The following EXPH5 variants were observed in gnomAD, a reference collection of about 807,000 sequenced individuals.
The protein encoded by EXPH5 is exophilin-5.
Under a neutral mutation model 41.1 loss-of-function variants are expected in EXPH5, and 42 were observed. That is an observed-to-expected ratio of 1.02 (90% CI 0.80 to 1.32). EXPH5 has a LOEUF of 1.32. EXPH5 is among the 40% of genes most tolerant of loss of function. The probability of loss-of-function intolerance (pLI) is 0.00; values close to 1 mark genes in which losing one functional copy is unlikely to be tolerated. For missense variants in EXPH5, 2,298 were observed against 2,314.5 expected, an observed-to-expected ratio of 0.99 and a Z score of 0.15; for synonymous variants, 798 against 833.5, an observed-to-expected ratio of 0.96 and a Z score of 0.73.
intron 4 of EXPH5, among the ~76,000 whole-genome samples, chr11:108,525,505 T>A (rs1173916622): frequency 6.6e-6 from 1 of 152,242 alleles, no homozygotes; most frequent in Non-Finnish European, 1.5e-5. Context: ...TCTAAGTGTT[T>A]CTCTAGCTCT....
At chr11:108,536,438 C>T (rs956498937) in intron 3 of EXPH5, among the ~76,000 whole-genome samples, 11 of 152,074 alleles carry the variant, frequency 7.2e-5, no homozygotes, top group African/African-American at 2.4e-5. Flanking sequence ...GATAATTTAT[C>T]TTTTTGGTAG....
rs761700856 is a variant in EXPH5 at position 108,513,268 on chromosome 11, A to G, written c.2239T>C (p.Ser747Pro). 5.6e-6 allele frequency: 9 copies of G among 1,612,138 alleles called. No homozygotes were observed. The South Asian group carries it at 6.6e-5, about 12-fold the overall frequency. Residue 747 changes from serine (S) to proline (P), a missense_variant, in exon 6 of 6, where the codon TCC (serine) becomes CCC (proline). Transcript: ENST00000265843. ...CCGTTGCTCTTGGCTGAGTCCTGGG[A>G]TAAGGGATTTTGAAAATCAGGTAAA... ...NSLPDFQNPL[S>P]QDSAKSNGFG...
At chr11:108,590,686 G>C (rs895791754) in intron 1 of EXPH5, among the ~76,000 whole-genome samples, 4 of 152,118 alleles carry the variant, frequency 2.6e-5, no homozygotes, top group African/African-American at 9.7e-5. Flanking sequence ...GGTCTCTACT[G>C]TGTCACTCTG....
chr11:108,520,506 G>A (rs1482347541), intron 4 of EXPH5, among the ~76,000 whole-genome samples: 2 of 152,022 alleles, frequency 1.3e-5, no homozygotes, highest in East Asian at 1.9e-4. Flanking sequence ...TTCAATGAAA[G>A]GATTTAGGAG....
At chr11:108,571,295 C>T (rs142941544) in intron 1 of EXPH5, among the ~76,000 whole-genome samples, 286 of 152,252 alleles carry the variant, frequency 1.9e-3, no homozygotes, top group African/African-American at 6.6e-3. Context: ...ACTGTGGAGC[C>T]AGTGCTATAC....
intron 1 of EXPH5, among the ~76,000 whole-genome samples, chr11:108,545,309 G>T (rs1371043026): frequency 1.3e-5 from 2 of 152,102 alleles, no homozygotes; most frequent in Non-Finnish European, 2.9e-5. Context: ...AGCTACGTGG[G>T]ATGCTGAGGT....
intron 1 of EXPH5, among the ~76,000 whole-genome samples, chr11:108,575,761 G>A (rs936820981): frequency 6.6e-6 from 1 of 152,160 alleles, no homozygotes; most frequent in Non-Finnish European, 1.5e-5. Context: ...ATCACTTGAG[G>A]TCAGGAGTTC....
At chr11:108,586,948 C>T (rs55732976) in intron 1 of EXPH5, among the ~76,000 whole-genome samples, 56,546 of 151,716 alleles carry the variant, frequency 0.37, 10,850 homozygotes, top group Middle Eastern at 0.49. Flanking sequence ...TCAAATCTCA[C>T]AGCTTGGGGA....
Position 108,514,600 on chromosome 11 carries a change from G to A in EXPH5, c.907C>T (p.Pro303Ser), listed in dbSNP as rs1591669575. ...TIYDMYRTRE[P>S]RVFKEDYVQK... Reference sequence around the variant, plus strand: ...ACATAATCTTCTTTAAAGACTCTGGGCTCCCTTGTCCTATACATATCATAA... The same window carrying A: ...ACATAATCTTCTTTAAAGACTCTGGACTCCCTTGTCCTATACATATCATAA... The change falls in exon 6 of 6, where the codon CCC becomes TCC. Residue 303 changes from proline to serine, a missense_variant. Coordinates refer to ENST00000265843, the MANE Select transcript of EXPH5 (RefSeq NM_015065.3). The A allele has an allele frequency of 2.5e-6, 4 of 1,613,782 alleles. No homozygotes were observed. The highest frequency in any genetic ancestry group is 3.4e-6 in the Non-Finnish European group (4 of 1,179,912).
In EXPH5 at chr11:108,512,304, T is replaced by C. The variant is rs200122924; in HGVS notation, c.3203A>G (p.Asn1068Ser). The C allele has an allele frequency of 8.1e-6, 13 of 1,613,788 alleles. No individual in the cohort carries two copies. Among genetic ancestry groups the C allele is most frequent in the Admixed American group, 1.7e-5 (1 of 59,962 alleles). ...VEDAMGNYML[N>S]KFSPSSPESA... Reference sequence around the variant, plus strand: ...CTCAGGAGAACTGGGACTAAATTTGTTTAACATATAGTTCCCCATTGCATC... The same window carrying C: ...CTCAGGAGAACTGGGACTAAATTTGCTTAACATATAGTTCCCCATTGCATC... Residue 1068 changes from asparagine (N) to serine (S), a missense_variant, in exon 6 of 6, where the codon AAC becomes AGC. Transcript: ENST00000265843.
intron 1 of EXPH5, among the ~76,000 whole-genome samples, chr11:108,542,983 T>TG (rs2093920556): frequency 2.0e-5 from 3 of 152,146 alleles, no homozygotes; most frequent in Admixed American, 6.6e-5. Flanking sequence ...CCTCCCAAAG[T>TG]GCTGGGACTA....
At chr11:108,589,105 C>T (rs745597500) in intron 1 of EXPH5, among the ~76,000 whole-genome samples, 16 of 152,184 alleles carry the variant, frequency 1.1e-4, no homozygotes, top group Non-Finnish European at 1.8e-4. Context: ...TGCATAAGGG[C>T]GAGCTACAGT....
rs1336969206 is a variant in EXPH5, at chr11:108,516,903, A to G, written c.631+1332T>C. ...GCTGAAGTATAAGGTGGGGCAAAAA[A>G]CAAAACAAAACAACTGCATAATGAA... On this transcript the variant is annotated intron_variant, in intron 5 of 5. Transcript: ENST00000265843. 2.6e-5 allele frequency among the ~76,000 whole-genome samples: 4 copies of G among 152,230 alleles called. 1 individual carries two copies. The South Asian group carries it at 8.3e-4, about 32-fold the overall frequency.
intron 1 of EXPH5, among the ~76,000 whole-genome samples, chr11:108,591,690 T>C (rs544366515): frequency 1.8e-4 from 27 of 152,254 alleles, no homozygotes; most frequent in Non-Finnish European, 4.4e-5. Flanking sequence ...ACCTTCCTTC[T>C]AATGCCCAGC....
intron 1 of EXPH5, among the ~76,000 whole-genome samples, chr11:108,560,158 T>C (rs932798632): frequency 3.9e-5 from 6 of 152,202 alleles, no homozygotes; most frequent in Non-Finnish European, 5.9e-5. Flanking sequence ...GTCAGCACCA[T>C]GAATCTACTG....
chr11:108,553,095 A>C (rs1055801503), intron 1 of EXPH5, among the ~76,000 whole-genome samples: 1 of 152,234 alleles, frequency 6.6e-6, no homozygotes, highest in South Asian at 2.1e-4. Flanking sequence ...CTACCTGGGG[A>C]GGCTGAGGCA....
At chr11:108,529,642 C>T (rs996135259) in intron 3 of EXPH5, among the ~76,000 whole-genome samples, 4 of 151,938 alleles carry the variant, frequency 2.6e-5, no homozygotes, top group African/African-American at 9.7e-5. Flanking sequence ...GCCAGGAGTT[C>T]GAGACCAGCC....
intron 1 of EXPH5, among the ~76,000 whole-genome samples, chr11:108,561,146 G>C (rs1044729325): frequency 6.6e-6 from 1 of 152,186 alleles, no homozygotes; most frequent in Non-Finnish European, 1.5e-5. Context: ...TCCCAAAAAT[G>C]AAAAGACATG....
At chr11:108,553,733 A>C (rs1313280974) in intron 1 of EXPH5, among the ~76,000 whole-genome samples, 1 of 152,228 alleles carries the variant, frequency 6.6e-6, no homozygotes, top group Non-Finnish European at 1.5e-5. Flanking sequence ...CTAGGGGATA[A>C]TAAATGAGTT....
Sources: gnomAD v4.1 joint callset for allele counts (sites outside exome capture counted in the v4.1 genomes callset) on GRCh38, gnomAD v4.1.1 for gene constraint, MANE v1.5 for transcripts, NCBI Gene and HGNC (gene_info 2026-07-23, HGNC 2026-07-21) for gene names.